The following KLHL14 variants were observed in gnomAD, a reference collection of about 807,000 sequenced individuals.
The protein encoded by KLHL14 is kelch-like protein 14.
KLHL14 carries 22 observed loss-of-function variants against 64.3 expected under a neutral mutation model. The observed-to-expected ratio is 0.34, with a 90% CI of 0.24 to 0.49. The LOEUF is 0.49. KLHL14 is among the 20% of genes least tolerant of loss of function. The pLI is 0.99. For synonymous variants in KLHL14, 322 were observed against 333.4 expected (o/e 0.97, Z 0.37); for missense variants, 661 against 789.0 (o/e 0.84, Z 1.94).
intron 3 of KLHL14, among the ~76,000 whole-genome samples, chr18:32,711,297 T>C (rs890309393): frequency 7.2e-5 from 11 of 152,044 alleles, no homozygotes; most frequent in African/African-American, 2.2e-4. Flanking sequence ...TGGGTATATG[T>C]AGCATTTGGG....
chr18:32,733,428 C>T (rs887527049), intron 3 of KLHL14, among the ~76,000 whole-genome samples: 3 of 150,692 alleles, frequency 2.0e-5, no homozygotes, highest in Non-Finnish European at 4.4e-5. Flanking sequence ...CACAAGAAGA[C>T]AAAGGAAAAA....
intron 2 of KLHL14, among the ~76,000 whole-genome samples, chr18:32,766,409 GAT>G (rs1431320392): frequency 6.6e-6 from 1 of 151,952 alleles, no homozygotes; most frequent in Non-Finnish European, 1.5e-5. Flanking sequence ...TGCTTTAGAT[GAT>G]GTTAATATTG....
intron 7 of KLHL14, among the ~76,000 whole-genome samples, chr18:32,679,686 A>T (rs1313322337): frequency 2.0e-5 from 3 of 152,174 alleles, no homozygotes; most frequent in Non-Finnish European, 4.4e-5. Flanking sequence ...GTGGCTTGCT[A>T]TTGAATTCTT....
chr18:32,747,619 G>A (rs959323308), intron 2 of KLHL14, among the ~76,000 whole-genome samples: 3 of 152,162 alleles, frequency 2.0e-5, no homozygotes, highest in African/African-American at 7.2e-5. Context: ...AAATACAAAC[G>A]AAGCTTCACT....
At chr18:32,757,680 G>A (rs555962752) in intron 2 of KLHL14, among the ~76,000 whole-genome samples, 4 of 151,822 alleles carry the variant, frequency 2.6e-5, no homozygotes, top group East Asian at 1.9e-4. Context: ...TAAATAAGTC[G>A]AGTAATGAAA....
At chr18:32,772,196 ACT>A (rs1184121000) in intron 1 of KLHL14, 1 of 392,322 alleles carries the variant, frequency 2.5e-6, no homozygotes, top group South Asian at 1.8e-5. Context: ...ACTGCGGCTC[ACT>A]CTGCCCTGCC....
intron 5 of KLHL14, among the ~76,000 whole-genome samples, chr18:32,685,303 G>A (rs1297456878): frequency 2.0e-5 from 3 of 152,094 alleles, no homozygotes; most frequent in Non-Finnish European, 2.9e-5. Flanking sequence ...AGGTTTTGCA[G>A]CAATACTTCC....
chr18:32,701,390 C>T (rs560359718), intron 3 of KLHL14, among the ~76,000 whole-genome samples: 36 of 152,218 alleles, frequency 2.4e-4, no homozygotes, highest in Admixed American at 1.5e-3. Flanking sequence ...GAGTGAGTGC[C>T]TCTCTATTAC....
At chr18:32,730,959 T>G (rs759006201) in intron 3 of KLHL14, among the ~76,000 whole-genome samples, 7 of 152,160 alleles carry the variant, frequency 4.6e-5, no homozygotes, top group Non-Finnish European at 7.4e-5. Context: ...TATGAAAGTG[T>G]CTGCTCAGCA....
chr18:32,686,242 G>A lies in KLHL14; in HGVS notation c.1238+913C>T, dbSNP rs150091183. ...GACGGGGTTTCACCATCTTGGCCAG[G>A]TTGGTCATGAACTCCTGGCTTCGTG... On this transcript the variant is annotated intron_variant, in intron 5 of 8. Coordinates refer to ENST00000359358, the MANE Select transcript of KLHL14 (RefSeq NM_020805.3). Among the ~76,000 whole-genome samples the A allele has an allele frequency of 4.4e-4, 65 of 146,958 alleles. No homozygotes were observed. In the East Asian group the frequency reaches 0.011, roughly 24 times the overall value.
intron 7 of KLHL14, among the ~76,000 whole-genome samples, chr18:32,678,504 C>T (rs903987889): frequency 1.3e-5 from 2 of 152,070 alleles, no homozygotes; most frequent in African/African-American, 4.8e-5. Flanking sequence ...GAGTATATTC[C>T]TTTCCTTTAC....
chr18:32,706,723 GT>G (rs928431357), intron 3 of KLHL14, among the ~76,000 whole-genome samples: 24 of 151,146 alleles, frequency 1.6e-4, no homozygotes, highest in African/African-American at 4.1e-4. Flanking sequence ...GTGAGTAGGT[GT>G]TTTTTTTTAA....
chr18:32,739,992 A>AT lies in KLHL14; in HGVS notation c.1069+1935dup, dbSNP rs560805289. 5.0e-3 allele frequency among the ~76,000 whole-genome samples: 767 copies of AT among 152,296 alleles called. 6 individuals are homozygous for AT. The highest frequency in any genetic ancestry group is 0.017 in the African/African-American group (720 of 41,558). On this transcript the variant is annotated intron_variant, in intron 3 of 8. Transcript: ENST00000359358. ...ATGTGCTAGATGATTTATAAACACA[A>AT]TTTTTATTTTAAAAATACTACAGTG...
chr18:32,764,286 A>G (rs994505018), intron 2 of KLHL14, among the ~76,000 whole-genome samples: 7 of 152,196 alleles, frequency 4.6e-5, no homozygotes, highest in Admixed American at 2.6e-4. Context: ...AGTATGCTTG[A>G]AAAAATGAGA....
intron 4 of KLHL14, among the ~76,000 whole-genome samples, chr18:32,693,223 G>C (rs1309723262): frequency 6.6e-6 from 1 of 152,090 alleles, no homozygotes; most frequent in Non-Finnish European, 1.5e-5. Flanking sequence ...TTGCCGCAAG[G>C]TGTAACCAGT....
At chr18:32,767,019 C>T (rs2050349570) in intron 2 of KLHL14, among the ~76,000 whole-genome samples, 1 of 152,024 alleles carries the variant, frequency 6.6e-6, no homozygotes, top group Non-Finnish European at 1.5e-5. Context: ...ATTTTCATCT[C>T]CTTCTCTGAA....
intron 3 of KLHL14, among the ~76,000 whole-genome samples, chr18:32,695,793 T>C (rs1466263531): frequency 6.6e-6 from 1 of 152,104 alleles, no homozygotes; most frequent in African/African-American, 2.4e-5. Context: ...ATAATGTGAT[T>C]CCAGAAATTA....
chr18:32,695,523 C>T lies in KLHL14; in HGVS notation c.1099G>A (p.Val367Ile), dbSNP rs761029707. The T allele has an allele frequency of 4.2e-5, 67 of 1,611,070 alleles. No individual in the cohort carries two copies. The highest frequency in any genetic ancestry group is 9.4e-5 in the African/African-American group (7 of 74,682). ...IMPYNSAHHC[V>I]VEVENFLFVL... is the part of the protein sequence containing the mutation. ...AACAAGAAGTTTTCCACCTCCACAA[C>T]GCAGTGGTGGGCACTGTTGTATGGC... The change falls in exon 4 of 9, where the codon GTT (valine) becomes ATT (isoleucine). Residue 367 changes from valine (V) to isoleucine (I), a missense_variant. Around this residue, in one of 2 missense-constraint regions of KLHL14, gnomAD observed 330 missense variants for 450.0 expected, o/e 0.73. Coordinates refer to ENST00000359358, the MANE Select transcript of KLHL14 (RefSeq NM_020805.3).
chr18:32,736,149 T>C (rs1333012926), intron 3 of KLHL14, among the ~76,000 whole-genome samples: 2 of 152,148 alleles, frequency 1.3e-5, no homozygotes, highest in East Asian at 3.8e-4. Flanking sequence ...CAGAAATAAA[T>C]GAGAGATGGC....
Sources: allele counts gnomAD v4.1 joint callset (sites outside exome capture counted in the v4.1 genomes callset), GRCh38; gene constraint gnomAD v4.1.1; regional missense constraint gnomAD v4.1.1; transcripts MANE v1.5; gene names NCBI Gene and HGNC (gene_info 2026-07-23, HGNC 2026-07-21).